The following CALCRL variants were observed in gnomAD, a reference collection of about 807,000 sequenced individuals.
The protein encoded by CALCRL is calcitonin gene-related peptide type 1 receptor.
CALCRL carries 27 observed loss-of-function variants against 60.4 expected under a neutral mutation model. The ratio of observed to expected loss-of-function variants is 0.45; its 90% CI spans 0.33 to 0.62. The LOEUF (loss-of-function observed/expected upper bound fraction) is 0.62, where lower values mean the gene tolerates loss of function less well. Among genes scored for constraint, CALCRL ranks in the 20% least tolerant of loss-of-function variants. CALCRL has a pLI of 0.03. For missense variants in CALCRL, 424 were observed against 540.7 expected (o/e 0.78, Z 2.14); for synonymous variants, 190 against 182.6 (o/e 1.04, Z -0.33).
chr2:187,433,042 AT>A (rs1007704507), intron 1 of CALCRL, among the ~76,000 whole-genome samples: 6 of 152,222 alleles, frequency 3.9e-5, no homozygotes, highest in African/African-American at 1.4e-4. Flanking sequence ...CTAATGACAC[AT>A]TTCTCAGGAC....
chr2:187,371,077 C>G (rs1342079751), intron 8 of CALCRL, among the ~76,000 whole-genome samples: 1 of 151,984 alleles, frequency 6.6e-6, no homozygotes, highest in Non-Finnish European at 1.5e-5. Flanking sequence ...CCCGTCTCTA[C>G]TAAAACTACA....
At chr2:187,381,361 A>G (rs1355985593) in intron 5 of CALCRL, among the ~76,000 whole-genome samples, 1 of 152,208 alleles carries the variant, frequency 6.6e-6, no homozygotes, top group Non-Finnish European at 1.5e-5. Flanking sequence ...AATTAAATAA[A>G]GAACTTCTTA....
chr2:187,359,275 G>T lies in CALCRL; in HGVS notation c.782-3C>A. ...ACAAGCAGGAATCAGTGGAAATCCT[G>T]TAATAACAAAAAAAAAAGAAAATAA... On this transcript the variant is annotated splice_region_variant and splice_polypyrimidine_tract_variant and intron_variant, in intron 10 of 14. Coordinates refer to ENST00000392370, the MANE Select transcript of CALCRL (RefSeq NM_005795.6). 1 of 1,495,758 alleles carries T rather than the reference G, an allele frequency of 6.7e-7. No homozygotes were observed. The allele number at this position is 1,495,758 out of a possible 1,614,324, so 92.7% of individuals were successfully genotyped here. A position where few individuals can be genotyped will look rare whatever the true frequency, so the allele number is the denominator to read the frequency against.
chr2:187,360,097 C>T (rs1035519160), intron 10 of CALCRL, among the ~76,000 whole-genome samples: 1 of 151,932 alleles, frequency 6.6e-6, no homozygotes, highest in African/African-American at 2.4e-5. Context: ...GTGAATAATA[C>T]CACATCAGGA....
At chr2:187,391,406 A>G (rs1348084904) in intron 1 of CALCRL, among the ~76,000 whole-genome samples, 1 of 152,164 alleles carries the variant, frequency 6.6e-6, no homozygotes, top group Non-Finnish European at 1.5e-5. Context: ...AATTTTGAGG[A>G]CAGACCAAGC....
chr2:187,410,963 T>G (rs1397968341), intron 1 of CALCRL, among the ~76,000 whole-genome samples: 1 of 152,074 alleles, frequency 6.6e-6, no homozygotes. Flanking sequence ...GCATTATCCT[T>G]CCGACTTTTA....
chr2:187,431,029 G>A (rs189270028), intron 1 of CALCRL, among the ~76,000 whole-genome samples: 1 of 152,144 alleles, frequency 6.6e-6, no homozygotes, highest in Admixed American at 6.5e-5. Context: ...CGGTAGTCTG[G>A]CCAAGAGAAC....
In CALCRL at chr2:187,402,039, A is replaced by G. The variant is rs116688832; in HGVS notation, c.-292-14283T>C. Among the ~76,000 whole-genome samples, 1,079 of 151,696 alleles carry G rather than the reference A, an allele frequency of 7.1e-3. 13 individuals carry two copies. The highest frequency in any genetic ancestry group is 6.9e-3 in the Admixed American group (105 of 15,134). On this transcript the variant is annotated intron_variant, in intron 1 of 14. Coordinates refer to ENST00000392370, the MANE Select transcript of CALCRL (RefSeq NM_005795.6). ...AGGAAGGAGAGAAATCAATATGTGT[A>G]TCTCAGGTAAATGCACACTTTAAAA...
chr2:187,439,095 C>T (rs926416752), intron 1 of CALCRL, among the ~76,000 whole-genome samples: 4 of 152,046 alleles, frequency 2.6e-5, no homozygotes, highest in African/African-American at 9.7e-5. Context: ...TATACAGGCA[C>T]TTATCTAGGT....
At chr2:187,439,237 T>A (rs759720505) in intron 1 of CALCRL, among the ~76,000 whole-genome samples, 15 of 151,980 alleles carry the variant, frequency 9.9e-5, no homozygotes, top group Non-Finnish European at 1.8e-4. Flanking sequence ...AATCCCAGCA[T>A]TTTGGGAGGC....
intron 1 of CALCRL, among the ~76,000 whole-genome samples, chr2:187,420,679 T>C (rs1689830996): frequency 6.6e-6 from 1 of 152,086 alleles, no homozygotes; most frequent in Admixed American, 6.5e-5. Flanking sequence ...AATTTTGAAA[T>C]ATGCATGTAA....
intron 1 of CALCRL, among the ~76,000 whole-genome samples, chr2:187,391,713 G>A (rs1688454801): frequency 6.6e-6 from 1 of 151,910 alleles, no homozygotes; most frequent in Non-Finnish European, 1.5e-5. Flanking sequence ...AATTTTAAAA[G>A]CCCTTTATTT....
chr2:187,446,327 T>G (rs1040168893), intron 1 of CALCRL, among the ~76,000 whole-genome samples: 1 of 151,772 alleles, frequency 6.6e-6, no homozygotes, highest in Non-Finnish European at 1.5e-5. Context: ...CTTCCAGTTA[T>G]GTCCTCAAAT....
Position 187,379,254 on chromosome 2 carries a change from CTTT to C in CALCRL, c.409-226_409-224del, listed in dbSNP as rs568893493. On this transcript the variant is annotated intron_variant, in intron 7 of 14. Coordinates refer to ENST00000392370, the MANE Select transcript of CALCRL (RefSeq NM_005795.6). ...TTATCAAAATTTATAAGTTGTATGC[CTTT>C]TTATTTTTTTAATAATTTTTTAAAA... Among the ~76,000 whole-genome samples, 3 of 151,600 alleles carry C rather than the reference CTTT, an allele frequency of 2.0e-5. No homozygotes were observed. The East Asian group carries it at 5.8e-4, about 29-fold the overall frequency.
intron 1 of CALCRL, among the ~76,000 whole-genome samples, chr2:187,442,756 G>A (rs1690976999): frequency 6.6e-6 from 1 of 151,898 alleles, no homozygotes; most frequent in Admixed American, 6.6e-5. Flanking sequence ...CTGTAGTATA[G>A]TCACACAAGT....
intron 3 of CALCRL, among the ~76,000 whole-genome samples, chr2:187,386,173 T>G (rs187766644): frequency 2.1e-3 from 280 of 131,852 alleles, no homozygotes; most frequent in African/African-American, 7.5e-3. Flanking sequence ...CAACTTGCAT[T>G]TTTTGCCTTT....
chr2:187,367,154 A>G (rs1038874547), intron 8 of CALCRL, among the ~76,000 whole-genome samples: 1 of 152,154 alleles, frequency 6.6e-6, no homozygotes, highest in East Asian at 1.9e-4. Flanking sequence ...CAAAGACATT[A>G]ATTTAGAGTG....
Position 187,354,236 on chromosome 2 carries a change from T to C in CALCRL, c.910-1904A>G, listed in dbSNP as rs570074402. ...TAGCTAGTAGGCCCATCAGGCTATT[T>C]TGATATCACAGTACCACGCTTGGGT... On this transcript the variant is annotated intron_variant, in intron 12 of 14. Coordinates refer to ENST00000392370, the MANE Select transcript of CALCRL (RefSeq NM_005795.6). Among the ~76,000 whole-genome samples the C allele has an allele frequency of 7.2e-5, 11 of 152,154 alleles. No individual in the cohort carries two copies. In the South Asian group the frequency reaches 2.1e-3, roughly 29 times the overall value.
At chr2:187,348,056 A>T (rs1185287631) in intron 14 of CALCRL, among the ~76,000 whole-genome samples, 2 of 151,748 alleles carry the variant, frequency 1.3e-5, no homozygotes, top group Non-Finnish European at 3.0e-5. Context: ...ATATGCTTTG[A>T]AAATAAAAGC....
Sources: allele counts gnomAD v4.1 joint callset (sites outside exome capture counted in the v4.1 genomes callset), GRCh38; gene constraint gnomAD v4.1.1; transcripts MANE v1.5; gene names NCBI Gene and HGNC (gene_info 2026-07-23, HGNC 2026-07-21).